The following SLCO1B1 variants were observed in gnomAD, a reference collection of about 807,000 sequenced individuals.
SLCO1B1 encodes solute carrier organic anion transporter family member 1B1.
SLCO1B1 carries 81 observed loss-of-function variants against 70.1 expected under a neutral mutation model. The observed-to-expected ratio is 1.16, with a 90% confidence interval of 0.97 to 1.39. The LOEUF is 1.39. Among genes scored for constraint, SLCO1B1 ranks in the 40% most tolerant of loss-of-function variants. The probability of loss-of-function intolerance (pLI) is 0.00; values close to 1 mark genes in which losing one functional copy is unlikely to be tolerated. For synonymous variants in SLCO1B1, 283 were observed against 271.5 expected (o/e 1.04, Z -0.42); for missense variants, 895 against 799.6 (o/e 1.12, Z -1.44).
Position 21,136,369 on chromosome 12 carries a change from C to T in SLCO1B1, c.-62+5133C>T, listed in dbSNP as rs185451827. Among the ~76,000 whole-genome samples the T allele has an allele frequency of 8.5e-5, 13 of 152,094 alleles. No homozygotes were observed. The East Asian group carries it at 1.2e-3, about 14-fold the overall frequency. ...GTACTCTGTATTTCCTGAATCTGAA[C>T]GTTGGCCTGCCTTGCTAGATTGGGG... On this transcript the variant is annotated intron_variant, in intron 1 of 14. Coordinates refer to ENST00000256958, the MANE Select transcript of SLCO1B1 (RefSeq NM_006446.5).
chr12:21,238,471 G>A (rs924509712), intron 14 of SLCO1B1, among the ~76,000 whole-genome samples: 1 of 144,894 alleles, frequency 6.9e-6, no homozygotes, highest in African/African-American at 2.5e-5. Context: ...TTCAATCTAT[G>A]TTTTTTTTTT....
chr12:21,159,442 C>T (rs750277856), intron 2 of SLCO1B1, among the ~76,000 whole-genome samples: 2 of 151,798 alleles, frequency 1.3e-5, no homozygotes, highest in Non-Finnish European at 2.9e-5. Context: ...ATTGAAAATA[C>T]CTATGACTTT....
chr12:21,157,259 C>T (rs1443359020), intron 2 of SLCO1B1, among the ~76,000 whole-genome samples: 2 of 152,004 alleles, frequency 1.3e-5, no homozygotes, highest in East Asian at 3.9e-4. Flanking sequence ...GATCTCAGTC[C>T]ACAGATGGGT....
chr12:21,211,540 T>A (rs1226363673), intron 11 of SLCO1B1, among the ~76,000 whole-genome samples: 1 of 152,252 alleles, frequency 6.6e-6, no homozygotes, highest in African/African-American at 2.4e-5. Flanking sequence ...GTTGTGTCTC[T>A]GCCTGGCTTT....
At chr12:21,212,275 G>A (rs1234178227) in intron 11 of SLCO1B1, among the ~76,000 whole-genome samples, 4 of 92,036 alleles carry the variant, frequency 4.3e-5, no homozygotes, top group East Asian at 4.7e-4. Flanking sequence ...CTTTGTTCTC[G>A]TTGGTTTCAA....
Position 21,222,283 on chromosome 12 carries a change from C to A in SLCO1B1, c.1683-17C>A. The A allele has an allele frequency of 7.6e-7, 1 of 1,312,718 alleles. No homozygotes were observed. Among genetic ancestry groups the A allele is most frequent in the Non-Finnish European group, 1.0e-6 (1 of 975,834 alleles). The allele number at this position is 1,312,718 out of a possible 1,614,324, so 81.3% of individuals were successfully genotyped here. A position where few individuals can be genotyped will look rare whatever the true frequency, so the allele number is the denominator to read the frequency against. ...TTTAATGATATTTAATGTTTCTTTG[C>A]CTTTGTCTTGTTTCAGAATTGTTCA... On this transcript the variant is annotated splice_polypyrimidine_tract_variant and intron_variant, in intron 12 of 14. Coordinates refer to ENST00000256958, the MANE Select transcript of SLCO1B1 (RefSeq NM_006446.5).
intron 11 of SLCO1B1, among the ~76,000 whole-genome samples, chr12:21,213,671 G>A (rs1184675695): frequency 3.0e-5 from 3 of 98,904 alleles, no homozygotes; most frequent in African/African-American, 1.1e-4. Context: ...TTCCAACTTG[G>A]TTCCATTCTC....
chr12:21,134,639 C>A (rs1281537995), intron 1 of SLCO1B1, among the ~76,000 whole-genome samples: 1 of 152,132 alleles, frequency 6.6e-6, no homozygotes, highest in Non-Finnish European at 1.5e-5. Context: ...TTATAGTATT[C>A]TCTGATGGTA....
intron 7 of SLCO1B1, among the ~76,000 whole-genome samples, chr12:21,191,992 A>G (rs1941034507): frequency 6.6e-6 from 1 of 151,922 alleles, no homozygotes; most frequent in African/African-American, 2.4e-5. Flanking sequence ...TATCCTTTTT[A>G]TATGCTATTA....
At position 21,185,151 on chromosome 12, in the gene SLCO1B1, C is replaced by T. The variant is rs570250897; in HGVS notation, c.727+6131C>T. Among the ~76,000 whole-genome samples the T allele has an allele frequency of 8.5e-4, 130 of 152,138 alleles. No individual in the cohort carries two copies. The Middle Eastern group carries it at 0.01, about 12-fold the overall frequency. On this transcript the variant is annotated intron_variant, in intron 7 of 14. Transcript: ENST00000256958. ...ACCTAAGGAAACTAAAAACAGACAGCCACACCATGATAGTGGAAGACTTCA... is the reference window on the plus strand; with the variant it reads ...ACCTAAGGAAACTAAAAACAGACAGTCACACCATGATAGTGGAAGACTTCA...
intron 1 of SLCO1B1, among the ~76,000 whole-genome samples, chr12:21,133,113 T>C (rs951864608): frequency 3.9e-5 from 6 of 152,192 alleles, no homozygotes; most frequent in Non-Finnish European, 7.3e-5. Flanking sequence ...TGCTTGTTTT[T>C]CTCAGGTTTG....
intron 1 of SLCO1B1, among the ~76,000 whole-genome samples, chr12:21,137,908 A>G (rs1169074550): frequency 6.6e-6 from 1 of 152,188 alleles, no homozygotes; most frequent in Non-Finnish European, 1.5e-5. Flanking sequence ...AAATGCAGAA[A>G]TCACCAGTCT....
At chr12:21,161,194 A>C (rs938232222) in intron 2 of SLCO1B1, among the ~76,000 whole-genome samples, 1 of 152,204 alleles carries the variant, frequency 6.6e-6, no homozygotes. Context: ...TCATTCTACT[A>C]TAAAGACACA....
chr12:21,184,732 A>G lies in SLCO1B1; in HGVS notation c.727+5712A>G, dbSNP rs555387712. Among the ~76,000 whole-genome samples the G allele has an allele frequency of 6.6e-5, 10 of 152,260 alleles. No homozygotes were observed. In the South Asian group the frequency reaches 1.9e-3, roughly 28 times the overall value. ...GTCTATGAAACAACCAGCTAACAAC[A>G]TGATGCCATGATCAAAATCTCACGT... is the stretch of plus-strand genomic sequence containing the variant. On this transcript the variant is annotated intron_variant, in intron 7 of 14. Coordinates refer to ENST00000256958, the MANE Select transcript of SLCO1B1 (RefSeq NM_006446.5).
chr12:21,169,182 T>G (rs1325344020), intron 2 of SLCO1B1, among the ~76,000 whole-genome samples: 3 of 152,212 alleles, frequency 2.0e-5, no homozygotes, highest in Non-Finnish European at 4.4e-5. Context: ...TGTTTGTGTG[T>G]AACTTTTGAC....
Position 21,239,052 on chromosome 12 carries a change from A to G in SLCO1B1, c.1939A>G (p.Met647Val), listed in dbSNP as rs1941621932. 9 of 1,595,344 alleles carry G rather than the reference A, an allele frequency of 5.6e-6. No individual in the cohort carries two copies. Among genetic ancestry groups the G allele is most frequent in the Non-Finnish European group, 7.7e-6 (9 of 1,164,150 alleles). ...TTTATATATTATATTAATTTATGCC[A>G]TGAAGAAAAAATATCAAGAGAAAGA... is the stretch of plus-strand genomic sequence containing the variant. ...LVLYIILIYA[M>V]KKKYQEKDIN... The change falls in exon 15 of 15, where the codon ATG becomes GTG. Residue 647 changes from methionine (M) to valine (V), a missense_variant. Met to Val is a conservative substitution (Grantham distance 21). Coordinates refer to ENST00000256958, the MANE Select transcript of SLCO1B1 (RefSeq NM_006446.5).
chr12:21,154,276 T>G (rs1312255899), intron 2 of SLCO1B1, among the ~76,000 whole-genome samples: 2 of 152,044 alleles, frequency 1.3e-5, no homozygotes, highest in African/African-American at 4.8e-5. Context: ...TGGAAAGTGA[T>G]TAGTTCATGA....
chr12:21,189,252 C>A (rs1397928853), intron 7 of SLCO1B1, among the ~76,000 whole-genome samples: 1 of 152,262 alleles, frequency 6.6e-6, no homozygotes, highest in Admixed American at 6.5e-5. Flanking sequence ...TCAAATATCT[C>A]CACATTCTTG....
chr12:21,138,038 T>C (rs1940252582), intron 1 of SLCO1B1, among the ~76,000 whole-genome samples: 1 of 152,216 alleles, frequency 6.6e-6, no homozygotes, highest in South Asian at 2.1e-4. Flanking sequence ...AGTTCCCTTC[T>C]CCAATTCAGA....
Sources: gnomAD v4.1 joint callset for allele counts (sites outside exome capture counted in the v4.1 genomes callset) on GRCh38, gnomAD v4.1.1 for gene constraint, MANE v1.5 for transcripts, NCBI Gene and HGNC (gene_info 2026-07-23, HGNC 2026-07-21) for gene names.